RBFOX1: variants seen among roughly 807,000 people sequenced by gnomAD.
The protein encoded by RBFOX1 is RNA binding protein fox-1 homolog 1.
A neutral mutation model predicts 57.7 loss-of-function variants in RBFOX1; 8 were observed. The ratio of observed to expected loss-of-function variants is 0.14; its 90% CI spans 0.08 to 0.25. RBFOX1 has a LOEUF of 0.25. RBFOX1 is among the 10% of genes least tolerant of loss of function. RBFOX1 has a pLI of 1.00. For synonymous variants in RBFOX1, 326 were observed against 222.4 expected, an observed-to-expected ratio of 1.47 and a Z score of -4.15; for missense variants, 611 against 548.5, an observed-to-expected ratio of 1.11 and a Z score of -1.14.
intron 3 of RBFOX1, chr16:6,723,844 G>C (rs141070916): frequency 3.9e-5 from 6 of 151,926 alleles, no homozygotes; most frequent in Non-Finnish European, 1.5e-5. Context: ...TGTATGTTCT[G>C]CACGAGGTTC....
At chr16:6,257,929 G>A (rs745955082) in intron 1 of RBFOX1, among the ~76,000 whole-genome samples, 38 of 151,940 alleles carry the variant, frequency 2.5e-4, no homozygotes, top group Non-Finnish European at 5.3e-4. Flanking sequence ...TATTCCTTTC[G>A]GTATATCCCC....
chr16:5,995,924 A>C (rs1008535229), intron 4 of RBFOX1, among the ~76,000 whole-genome samples: 1 of 152,190 alleles, frequency 6.6e-6, no homozygotes, highest in Non-Finnish European at 1.5e-5. Flanking sequence ...TCCAAGACTG[A>C]GGCAGTCTCC....
chr16:7,325,158 C>T (rs2096595150), intron 4 of RBFOX1, among the ~76,000 whole-genome samples: 1 of 152,200 alleles, frequency 6.6e-6, no homozygotes, highest in Non-Finnish European at 1.5e-5. Context: ...ACTATGACAA[C>T]TATCAACAGC....
In RBFOX1 at chr16:6,992,832, T is replaced by A. The variant is rs1438951844; in HGVS notation, c.-15-59225T>A. Among the ~76,000 whole-genome samples the A allele has an allele frequency of 3.0e-5, 3 of 101,676 alleles. No individual in the cohort carries two copies. The East Asian group carries it at 8.1e-4, about 27-fold the overall frequency. 66.7% of individuals were successfully genotyped at this position (101,676 alleles called of 152,430 possible). On this transcript the variant is annotated intron_variant, in intron 3 of 15. Transcript: ENST00000550418. ...TGGCCCAGAAAGGCTGATTCCTTCC[T>A]TTTCCAAAAAAAAAAAAAAAAAGAT... is the stretch of plus-strand genomic sequence containing the variant.
chr16:7,126,368 G>A, intron 4 of RBFOX1: 1 of 248,274 alleles, frequency 4.0e-6, no homozygotes, highest in Non-Finnish European at 8.1e-6. Flanking sequence ...GGTCCCTGTG[G>A]GGTTCACAAG....
chr16:6,070,201 G>A (rs2095818840), intron 1 of RBFOX1, among the ~76,000 whole-genome samples: 1 of 152,132 alleles, frequency 6.6e-6, no homozygotes, highest in Non-Finnish European at 1.5e-5. Context: ...ACAAAGATAT[G>A]CCATCATCCC....
intron 3 of RBFOX1, among the ~76,000 whole-genome samples, chr16:6,891,348 C>T (rs944022865): frequency 6.6e-6 from 1 of 152,110 alleles, no homozygotes; most frequent in African/African-American, 2.4e-5. Flanking sequence ...TCTACTTGCC[C>T]ATCGATATAA....
At chr16:7,057,392 C>T (rs893421159) in intron 4 of RBFOX1, among the ~76,000 whole-genome samples, 1 of 152,212 alleles carries the variant, frequency 6.6e-6, no homozygotes, top group African/African-American at 2.4e-5. Context: ...TTGCTCATCT[C>T]CTGTCTTTGT....
At chr16:6,603,740 G>C (rs1441537068) in intron 2 of RBFOX1, among the ~76,000 whole-genome samples, 1 of 152,144 alleles carries the variant, frequency 6.6e-6, no homozygotes, top group African/African-American at 2.4e-5. Context: ...GTGATTGCTG[G>C]ACATCAGGAT....
At position 7,181,189 on chromosome 16, in the gene RBFOX1, C is replaced by G. The variant is rs575521286; in HGVS notation, c.27+129091C>G. On this transcript the variant is annotated intron_variant, in intron 4 of 15. Coordinates refer to ENST00000550418, the MANE Select transcript of RBFOX1 (RefSeq NM_018723.4). Reference sequence around the variant, plus strand: ...TTGTGGTTCAAAGACTTCTTTGAACCTTGCGTAGTCACAATCTCTCTAGAT... The same window carrying G: ...TTGTGGTTCAAAGACTTCTTTGAACGTTGCGTAGTCACAATCTCTCTAGAT... Among the ~76,000 whole-genome samples the G allele has an allele frequency of 1.1e-4, 16 of 152,166 alleles. 1 individual carries two copies. The South Asian group carries it at 3.3e-3, about 32-fold the overall frequency.
chr16:6,907,689 G>GCAATTCTCCTGGCTCAT, intron 3 of RBFOX1, among the ~76,000 whole-genome samples: 1 of 152,118 alleles, frequency 6.6e-6, no homozygotes, highest in East Asian at 1.9e-4. Flanking sequence ...TCCTGGCTCA[G>GCAATTCTCCTGGCTCAT]CCTCCTGAGT....
intron 4 of RBFOX1, among the ~76,000 whole-genome samples, chr16:7,078,519 T>G (rs2058652163): frequency 6.6e-6 from 1 of 151,548 alleles, no homozygotes; most frequent in Non-Finnish European, 1.5e-5. Flanking sequence ...GGCTAATTTT[T>G]GTATTTTTAG....
chr16:6,668,639 C>A (rs2098746784), intron 3 of RBFOX1, among the ~76,000 whole-genome samples: 1 of 152,130 alleles, frequency 6.6e-6, no homozygotes, highest in Non-Finnish European at 1.5e-5. Context: ...ATGATGTCAT[C>A]CTCATATAAC....
chr16:5,345,595 C>G (rs1482284181), intron 1 of RBFOX1, among the ~76,000 whole-genome samples: 1 of 152,190 alleles, frequency 6.6e-6, no homozygotes, highest in African/African-American at 2.4e-5. Context: ...ACAGTAGAAG[C>G]AAGAAGATTT....
chr16:5,477,955 A>G (rs534166240), intron 2 of RBFOX1, among the ~76,000 whole-genome samples: 42 of 152,220 alleles, frequency 2.8e-4, no homozygotes, highest in African/African-American at 1.0e-3. Flanking sequence ...CTTGGTTCTC[A>G]TTACGCATCA....
At chr16:6,767,937 A>ATAC (rs2077592394) in intron 3 of RBFOX1, among the ~76,000 whole-genome samples, 1 of 93,298 alleles carries the variant, frequency 1.1e-5, no homozygotes, top group African/African-American at 5.6e-5. Context: ...AATAATAATA[A>ATAC]TAATAATAAT....
At chr16:7,174,377 G>T (rs2081265166) in intron 4 of RBFOX1, among the ~76,000 whole-genome samples, 1 of 152,162 alleles carries the variant, frequency 6.6e-6, no homozygotes, top group Non-Finnish European at 1.5e-5. Flanking sequence ...ATGTTACTAT[G>T]AACACTTGTT....
At chr16:6,927,299 G>C (rs1371704866) in intron 3 of RBFOX1, among the ~76,000 whole-genome samples, 1 of 150,830 alleles carries the variant, frequency 6.6e-6, no homozygotes, top group African/African-American at 2.4e-5. Flanking sequence ...TGTAGTATCA[G>C]CTACTTGGGA....
chr16:7,385,422 G>A (rs2097859034), intron 4 of RBFOX1, among the ~76,000 whole-genome samples: 1 of 152,194 alleles, frequency 6.6e-6, no homozygotes, highest in African/African-American at 2.4e-5. Context: ...TGGAGGTGAA[G>A]GGAGTGAATT....
Sources: allele counts gnomAD v4.1 joint callset (sites outside exome capture counted in the v4.1 genomes callset), GRCh38; gene constraint gnomAD v4.1.1; transcripts MANE v1.5; gene names NCBI Gene and HGNC (gene_info 2026-07-23, HGNC 2026-07-21).